Variants in ATG2B observed in about 807,000 individuals in gnomAD.
The protein encoded by ATG2B is autophagy-related protein 2 homolog B.
ATG2B carries 121 observed loss-of-function variants against 241.3 expected under a neutral mutation model. That is an observed-to-expected ratio of 0.50 (90% CI 0.43 to 0.58). The LOEUF is 0.58. ATG2B is among the 20% of genes least tolerant of loss of function. The probability of loss-of-function intolerance (pLI) is 0.00; values close to 1 mark genes in which losing one functional copy is unlikely to be tolerated. For missense variants in ATG2B, 2,306 were observed against 2,491.6 expected, an observed-to-expected ratio of 0.93 and a Z score of 1.59; for synonymous variants, 858 against 876.6, an observed-to-expected ratio of 0.98 and a Z score of 0.37.
At chr14:96,330,290 G>A (rs912155534) in intron 11 of ATG2B, among the ~76,000 whole-genome samples, 1 of 152,078 alleles carries the variant, frequency 6.6e-6, no homozygotes, top group African/African-American at 2.4e-5. Context: ...CTTGTATTAG[G>A]TGTAAAACTA....
In ATG2B at chr14:96,308,274, ATATATATATTTT is replaced by A. The variant is rs1887050163; in HGVS notation, c.4303+1167_4303+1178del. Among the ~76,000 whole-genome samples, 28 of 25,872 alleles carry A rather than the reference ATATATATATTTT, an allele frequency of 1.1e-3. 3 individuals carry two copies. Among genetic ancestry groups the A allele is most frequent in the South Asian group, 3.9e-3 (3 of 772 alleles). 17.0% of individuals were successfully genotyped at this position (25,872 alleles called of 152,430 possible). On this transcript the variant is annotated intron_variant, in intron 29 of 41. Coordinates refer to ENST00000359933, the MANE Select transcript of ATG2B (RefSeq NM_018036.7). ...TATACACACATATATATATATATAT[ATATATATATTTT>A]TTTTTTTTTTTTTTTTGAGACAGAA...
chr14:96,346,428 T>C (rs1426499986), intron 2 of ATG2B, among the ~76,000 whole-genome samples: 2 of 152,246 alleles, frequency 1.3e-5, no homozygotes, highest in South Asian at 2.1e-4. Flanking sequence ...AGTTAAAAGA[T>C]AGAATATTCT....
chr14:96,360,693 A>C (rs564386119), intron 1 of ATG2B, among the ~76,000 whole-genome samples: 2 of 152,354 alleles, frequency 1.3e-5, no homozygotes, highest in East Asian at 3.9e-4. Context: ...TTGATCATTT[A>C]GAATTGAAAC....
intron 1 of ATG2B, among the ~76,000 whole-genome samples, chr14:96,349,898 G>A (rs1396326250): frequency 1.3e-5 from 2 of 152,108 alleles, no homozygotes; most frequent in African/African-American, 4.8e-5. Flanking sequence ...GGTGACTCAC[G>A]CCTTTAACTC....
chr14:96,315,192 G>T lies in ATG2B; in HGVS notation c.3604C>A (p.His1202Asn). Residue 1202 changes from histidine to asparagine, a missense_variant, in exon 23 of 42, where the codon CAT becomes AAT. Around this residue, in one of 2 missense-constraint regions of ATG2B, gnomAD observed 1,927 missense variants for 2,011.2 expected, o/e 0.96. Coordinates refer to ENST00000359933, the MANE Select transcript of ATG2B (RefSeq NM_018036.7). The part of the protein sequence containing the change: ...AVGLKGATLQ[H>N]RMLPSGLSWH... ...CTAAGCCCAGAAGGAAGCATTCTAT[G>T]CTGGAGAGTGGCTCCTTTCAGTCCT... The T allele has an allele frequency of 1.2e-6, 2 of 1,614,164 alleles. No individual in the cohort carries two copies. Among genetic ancestry groups the T allele is most frequent in the Non-Finnish European group, 1.7e-6 (2 of 1,179,998 alleles).
At position 96,332,225 on chromosome 14, in the gene ATG2B, A is replaced by AG. The variant is rs1006814986; in HGVS notation, c.1468+79_1468+80insC. ...AATGGCCAAGACCAGAAAAAAAAAA[A>AG]AAAGAAAGAAAAGCACCAGTAGAAT... On this transcript the variant is annotated intron_variant, in intron 10 of 41. Coordinates refer to ENST00000359933, the MANE Select transcript of ATG2B (RefSeq NM_018036.7). The AG allele has an allele frequency of 4.2e-6, 5 of 1,189,082 alleles. No individual in the cohort carries two copies. The African/African-American group carries it at 6.2e-5, about 15-fold the overall frequency. 73.7% of individuals were successfully genotyped at this position (1,189,082 alleles called of 1,614,324 possible).
chr14:96,300,722 T>C (rs928878092), intron 34 of ATG2B, among the ~76,000 whole-genome samples: 5 of 152,244 alleles, frequency 3.3e-5, no homozygotes, highest in Non-Finnish European at 7.3e-5. Context: ...CTTCTTTTCA[T>C]AATGATAAAA....
chr14:96,328,879 AT>A (rs2139877617), intron 12 of ATG2B, 113 bp from the exon 13 acceptor site: 1 of 731,726 alleles, frequency 1.4e-6, no homozygotes, highest in East Asian at 2.8e-5. Flanking sequence ...TTTAAGTTTC[AT>A]TTTTGTCACT....
chr14:96,298,454 C>T (rs1027549784), intron 34 of ATG2B, among the ~76,000 whole-genome samples: 4 of 152,168 alleles, frequency 2.6e-5, no homozygotes, highest in Non-Finnish European at 4.4e-5. Context: ...GAAGTGAAAA[C>T]GTATGCCCAT....
At chr14:96,342,159 T>G (rs1045512412) in intron 5 of ATG2B, among the ~76,000 whole-genome samples, 2 of 152,022 alleles carry the variant, frequency 1.3e-5, no homozygotes, top group Admixed American at 6.6e-5. Context: ...TAAGGTAAAT[T>G]TGCACACTGC....
intron 17 of ATG2B, 99 bp downstream of exon 17, chr14:96,322,441 C>T (rs1178087487): frequency 7.3e-7 from 1 of 1,361,016 alleles, no homozygotes; most frequent in African/African-American, 1.5e-5. Context: ...CTAGCAAAAA[C>T]AGTACACAAG....
At position 96,322,604 on chromosome 14, in the gene ATG2B, C is replaced by A; in HGVS notation, c.2672G>T (p.Cys891Phe). The A allele has an allele frequency of 6.2e-7, 1 of 1,613,696 alleles. No homozygotes were observed. Among genetic ancestry groups the A allele is most frequent in the Non-Finnish European group, 8.5e-7 (1 of 1,179,906 alleles). ...EGGAHSLKDV[C>F]DLRRPAPSPF... ...AGATGGGGCTGGTCTTCTTAGATCA[C>A]AAACATCTTTCAAGGAATGAGCACC... is the stretch of plus-strand genomic sequence containing the variant. Residue 891 changes from cysteine to phenylalanine, a missense_variant, in exon 17 of 42, where the codon TGT becomes TTT. Physicochemically the swap from Cys to Phe is radical, Grantham distance 205. Coordinates refer to ENST00000359933, the MANE Select transcript of ATG2B (RefSeq NM_018036.7).
At chr14:96,308,730 T>G (rs1566720158) in intron 29 of ATG2B, among the ~76,000 whole-genome samples, 1 of 152,116 alleles carries the variant, frequency 6.6e-6, no homozygotes, top group Non-Finnish European at 1.5e-5. Context: ...TACAACTCCA[T>G]GAAATAATTT....
chr14:96,282,777 A>G lies in ATG2B; in HGVS notation c.*2978T>C, dbSNP rs915559687. The G allele has an allele frequency of 6.6e-6, 1 of 152,242 alleles. No homozygotes were observed. Among genetic ancestry groups the G allele is most frequent in the Non-Finnish European group, 1.5e-5 (1 of 68,046 alleles). 9.4% of individuals were successfully genotyped at this position (152,242 alleles called of 1,614,324 possible). ...CTACAGAACATCGTTTTTAAAGGAGATAGTTAAAAAGTAATGCCCTAAAAG... is the reference window on the plus strand; with the variant it reads ...CTACAGAACATCGTTTTTAAAGGAGGTAGTTAAAAAGTAATGCCCTAAAAG... On this transcript the variant is annotated 3_prime_UTR_variant, in exon 42 of 42. Coordinates refer to ENST00000359933, the MANE Select transcript of ATG2B (RefSeq NM_018036.7).
chr14:96,308,280 ATATTTTT>A (rs1887053979), intron 29 of ATG2B, among the ~76,000 whole-genome samples: 1 of 28,642 alleles, frequency 3.5e-5, no homozygotes, highest in Non-Finnish European at 7.2e-5. Flanking sequence ...ATATATATAT[ATATTTTT>A]TTTTTTTTTT....
At chr14:96,353,639 A>ATT (rs1405032657) in intron 1 of ATG2B, among the ~76,000 whole-genome samples, 6 of 125,920 alleles carry the variant, frequency 4.8e-5, no homozygotes, top group Non-Finnish European at 1.1e-4. Flanking sequence ...AAAATTTCAT[A>ATT]TTTTATATAT....
chr14:96,337,278 C>T (rs1251001605), intron 6 of ATG2B, among the ~76,000 whole-genome samples: 9 of 152,204 alleles, frequency 5.9e-5, no homozygotes, highest in South Asian at 2.1e-4. Context: ...ATTAAAACTA[C>T]GTTTTATAGA....
chr14:96,322,555 C>T lies in ATG2B; in HGVS notation c.2721G>A (p.Met907Ile). ...ACACTTTTACCTGTTCATTTTCAAA[C>T]ATTACTCTACGAGAAGAAAAAGGAG... Reference protein sequence around the residue: ...APSPFSSRRVMFENEQMVMPG... With the variant: ...APSPFSSRRVIFENEQMVMPG... The change falls in exon 17 of 42, where the codon ATG (methionine) becomes ATA (isoleucine). Residue 907 changes from methionine (M) to isoleucine (I), a missense_variant. By Grantham distance (10) the Met-to-Ile change is conservative. Coordinates refer to ENST00000359933, the MANE Select transcript of ATG2B (RefSeq NM_018036.7). 6.2e-7 allele frequency: 1 copy of T among 1,611,428 alleles called. No individual in the cohort carries two copies. Among genetic ancestry groups the T allele is most frequent in the African/African-American group, 1.3e-5 (1 of 74,922 alleles).
At position 96,331,510 on chromosome 14, in the gene ATG2B, G is replaced by A. The variant is rs760620323; in HGVS notation, c.1596C>T (p.Asn532=). 1.9e-6 allele frequency: 3 copies of A among 1,613,968 alleles called. No individual in the cohort carries two copies. Among genetic ancestry groups the A allele is most frequent in the African/African-American group, 1.3e-5 (1 of 74,910 alleles). Residue 532 remains asparagine, a synonymous_variant, in exon 11 of 42, where the codon AAC becomes AAT. Transcript: ENST00000359933. ...DPLSPPETSQ[N]LNPLTPMAVA... is the part of the protein sequence containing the mutation. ...CTGCCATAGGTGTCAATGGATTAAGGTTCTGTGACGTTTCAGGTGGAGATA... is the reference window on the plus strand; with the variant it reads ...CTGCCATAGGTGTCAATGGATTAAGATTCTGTGACGTTTCAGGTGGAGATA...
Sources: gnomAD v4.1 joint callset for allele counts (sites outside exome capture counted in the v4.1 genomes callset) on GRCh38, gnomAD v4.1.1 for gene constraint, gnomAD v4.1.1 regional missense constraint, MANE v1.5 for transcripts, NCBI Gene and HGNC (gene_info 2026-07-23, HGNC 2026-07-21) for gene names.